Variants in KIAA1671 observed in about 807,000 individuals in gnomAD.
KIAA1671 encodes the protein KIAA1671.
Under a neutral mutation model 131.2 loss-of-function variants are expected in KIAA1671, and 52 were observed. The observed-to-expected ratio is 0.40, with a 90% CI of 0.32 to 0.50. The LOEUF is 0.50. Among genes scored for constraint, KIAA1671 ranks in the 20% least tolerant of loss-of-function variants. KIAA1671 has a pLI of 0.73. For synonymous variants in KIAA1671, 1,003 were observed against 961.6 expected, an observed-to-expected ratio of 1.04 and a Z score of -0.80; for missense variants, 2,360 against 2,364.2, an observed-to-expected ratio of 1.00 and a Z score of 0.04.
intron 1 of KIAA1671, among the ~76,000 whole-genome samples, chr22:25,002,399 A>G (rs1924525364): frequency 6.6e-6 from 1 of 152,166 alleles, no homozygotes; most frequent in Non-Finnish European, 1.5e-5. Context: ...GAAGCTATAT[A>G]CAATGTTAAC....
intron 11 of KIAA1671, 184 bp downstream of exon 11, chr22:25,185,303 C>A: frequency 1.5e-6 from 1 of 687,452 alleles, no homozygotes; most frequent in Non-Finnish European, 2.3e-6. Flanking sequence ...ACAACAGAGG[C>A]CGGGGAAGGA....
chr22:25,092,365 C>A (rs1304888987), intron 6 of KIAA1671, among the ~76,000 whole-genome samples: 1 of 152,150 alleles, frequency 6.6e-6, no homozygotes, highest in Non-Finnish European at 1.5e-5. Context: ...CAAGCTGAGA[C>A]AGGTTGAGGC....
chr22:25,078,254 G>C (rs1381199024), intron 6 of KIAA1671, among the ~76,000 whole-genome samples: 1 of 152,212 alleles, frequency 6.6e-6, no homozygotes, highest in Non-Finnish European at 1.5e-5. Context: ...GCCAGGTGCA[G>C]TGGTTCACGC....
At chr22:25,144,131 T>C (rs1222044077) in intron 6 of KIAA1671, among the ~76,000 whole-genome samples, 1 of 152,214 alleles carries the variant, frequency 6.6e-6, no homozygotes, top group African/African-American at 2.4e-5. Context: ...GTTCTCACAG[T>C]CTCTTTCTCT....
chr22:25,019,712 C>T (rs1281644199), intron 1 of KIAA1671, among the ~76,000 whole-genome samples: 1 of 151,864 alleles, frequency 6.6e-6, no homozygotes, highest in Non-Finnish European at 1.5e-5. Flanking sequence ...TTCTGCTTCC[C>T]CTACCAATTA....
At chr22:24,954,860 G>A (rs1472729601) in intron 1 of KIAA1671, among the ~76,000 whole-genome samples, 1 of 151,976 alleles carries the variant, frequency 6.6e-6, no homozygotes, top group Non-Finnish European at 1.5e-5. Context: ...GGCTCACTGC[G>A]ACCTCTGCCT....
chr22:25,085,226 T>C (rs1929641825), intron 6 of KIAA1671, among the ~76,000 whole-genome samples: 1 of 152,218 alleles, frequency 6.6e-6, no homozygotes, highest in African/African-American at 2.4e-5. Context: ...TTCTCAGTCC[T>C]CTCAGCAGCC....
chr22:25,085,156 A>T (rs1176436470), intron 6 of KIAA1671, among the ~76,000 whole-genome samples: 2 of 152,214 alleles, frequency 1.3e-5, no homozygotes, highest in Non-Finnish European at 2.9e-5. Context: ...TGCCCAGGTG[A>T]CATTCACTGA....
At chr22:25,116,382 A>AGTATGTATGTAT (rs139621283) in intron 6 of KIAA1671, among the ~76,000 whole-genome samples, 45 of 139,152 alleles carry the variant, frequency 3.2e-4, no homozygotes, top group South Asian at 9.9e-4. Flanking sequence ...CCCCTCCACC[A>AGTATGTATGTAT]GTATGTATGT....
At chr22:25,026,223 C>T (rs1379901891) in intron 2 of KIAA1671, among the ~76,000 whole-genome samples, 3 of 151,958 alleles carry the variant, frequency 2.0e-5, no homozygotes, top group Non-Finnish European at 2.9e-5. Flanking sequence ...GAGTCAGAGC[C>T]GGGGGAGCAG....
intron 6 of KIAA1671, among the ~76,000 whole-genome samples, chr22:25,131,981 T>C (rs1952067870): frequency 6.6e-6 from 1 of 152,194 alleles, no homozygotes; most frequent in Admixed American, 6.5e-5. Context: ...TGTTAGCCAT[T>C]GTTGTTGTGA....
intron 6 of KIAA1671, among the ~76,000 whole-genome samples, chr22:25,122,703 A>G (rs1467269041): frequency 1.3e-5 from 2 of 152,182 alleles, no homozygotes; most frequent in Non-Finnish European, 2.9e-5. Context: ...GGCCGGTTGC[A>G]GTGGCTCACG....
chr22:25,177,202 C>A, intron 8 of KIAA1671, 146 bp from the exon 9 acceptor site: 1 of 724,574 alleles, frequency 1.4e-6, no homozygotes, highest in Non-Finnish European at 2.2e-6. Flanking sequence ...TGTTAGGTTA[C>A]TATTAAAATG....
chr22:25,028,503 G>A lies in KIAA1671; in HGVS notation c.504G>A (p.Lys168=). 1 of 1,549,540 alleles carries A rather than the reference G, an allele frequency of 6.5e-7. No individual in the cohort carries two copies. Residue 168 remains lysine (K), a synonymous_variant, in exon 3 of 13, where the codon AAG becomes AAA. Coordinates refer to ENST00000358431, the MANE Select transcript of KIAA1671 (RefSeq NM_001145206.2). ...TTAGTGAGGGGGCGGAGGAGGCCAA[G>A]CTAGGTGTGTCCGGCTCCCGGCCTG... is the stretch of plus-strand genomic sequence containing the variant. The part of the protein sequence containing the change: ...KAVSEGAEEA[K]LGVSGSRPEV...
intron 6 of KIAA1671, among the ~76,000 whole-genome samples, chr22:25,131,085 G>C (rs1223600967): frequency 6.6e-6 from 1 of 152,228 alleles, no homozygotes; most frequent in African/African-American, 2.4e-5. Flanking sequence ...CAAACAGGGT[G>C]GGGGCCTTGC....
intron 5 of KIAA1671, among the ~76,000 whole-genome samples, chr22:25,045,327 A>G (rs1320824769): frequency 6.6e-6 from 1 of 152,072 alleles, no homozygotes; most frequent in African/African-American, 2.4e-5. Context: ...GTGTCTGGAG[A>G]CATATTTTGT....
rs1417717343 is a variant in KIAA1671, at chr22:25,003,512, C to T, written c.-207-22121C>T. 2.7e-5 allele frequency among the ~76,000 whole-genome samples: 4 copies of T among 149,164 alleles called. No individual in the cohort carries two copies. In the East Asian group the frequency reaches 8.1e-4, roughly 30 times the overall value. On this transcript the variant is annotated intron_variant, in intron 1 of 12. Coordinates refer to ENST00000358431, the MANE Select transcript of KIAA1671 (RefSeq NM_001145206.2). ...CTGCAAGCTCCACCTCCGGGGTTCA[C>T]GCCATTCTCCTGCCTTGGCCTCCTG... is the stretch of plus-strand genomic sequence containing the variant.
intron 6 of KIAA1671, among the ~76,000 whole-genome samples, chr22:25,081,956 G>C (rs979882571): frequency 1.3e-5 from 2 of 152,136 alleles, no homozygotes; most frequent in Non-Finnish European, 2.9e-5. Flanking sequence ...AGCTACTGGG[G>C]AGGCTGAGGC....
intron 1 of KIAA1671, among the ~76,000 whole-genome samples, chr22:24,979,919 A>T (rs1923137972): frequency 6.6e-6 from 1 of 151,772 alleles, no homozygotes; most frequent in African/African-American, 2.4e-5. Context: ...TGCTTAGCAA[A>T]ATGTCTTCAA....
Sources: gnomAD v4.1 joint callset for allele counts (sites outside exome capture counted in the v4.1 genomes callset) on GRCh38, gnomAD v4.1.1 for gene constraint, MANE v1.5 for transcripts, NCBI Gene and HGNC (gene_info 2026-07-23, HGNC 2026-07-21) for gene names.